Variants in ADCY2 observed in about 807,000 individuals in gnomAD.
The protein encoded by ADCY2 is adenylate cyclase 2, also known as adenylate cyclase type 2.
In ADCY2, 31 loss-of-function variants were observed where a neutral mutation model predicts 125.2. The ratio of observed to expected loss-of-function variants is 0.25; its 90% CI spans 0.19 to 0.33. ADCY2 has a LOEUF of 0.33. ADCY2 is among the 10% of genes least tolerant of loss of function. The probability of loss-of-function intolerance (pLI) is 1.00; values close to 1 mark genes in which losing one functional copy is unlikely to be tolerated. For synonymous variants in ADCY2, 512 were observed against 548.4 expected, an observed-to-expected ratio of 0.93 and a Z score of 0.93; for missense variants, 904 against 1,418.2, an observed-to-expected ratio of 0.64 and a Z score of 5.82.
chr5:7,473,870 A>T (rs1005828280), intron 2 of ADCY2, among the ~76,000 whole-genome samples: 2 of 152,168 alleles, frequency 1.3e-5, no homozygotes, highest in African/African-American at 4.8e-5. Context: ...TTACATCTCA[A>T]TTCCCAGGGT....
intron 12 of ADCY2, among the ~76,000 whole-genome samples, chr5:7,719,138 C>T (rs564624214): frequency 1.3e-5 from 2 of 152,262 alleles, no homozygotes; most frequent in South Asian, 4.1e-4. Flanking sequence ...AGAGTGCCAC[C>T]ATTGTCATTG....
At chr5:7,500,712 C>T (rs73737705) in intron 2 of ADCY2, among the ~76,000 whole-genome samples, 2,752 of 152,116 alleles carry the variant, frequency 0.018, 98 homozygotes, top group African/African-American at 0.064. Flanking sequence ...GAGGATGATC[C>T]GGAAACATGA....
In ADCY2 at chr5:7,498,384, G is replaced by C. The variant is rs184283464; in HGVS notation, c.409-22354G>C. On this transcript the variant is annotated intron_variant, in intron 2 of 24. Transcript: ENST00000338316. ...CTGCCTCAGCCTCCCAAGTAGCTGG[G>C]ACTACAGGCGCCCCCCACCGCACCT... Among the ~76,000 whole-genome samples, 456 of 151,678 alleles carry C rather than the reference G, an allele frequency of 3.0e-3. 2 individuals are homozygous for C. The highest frequency in any genetic ancestry group is 0.01 in the African/African-American group (419 of 41,336).
At chr5:7,553,758 G>A (rs1735415375) in intron 3 of ADCY2, among the ~76,000 whole-genome samples, 1 of 152,126 alleles carries the variant, frequency 6.6e-6, no homozygotes, top group Non-Finnish European at 1.5e-5. Flanking sequence ...TGAACCCTGG[G>A]GTCAGGGACT....
At chr5:7,421,360 C>T (rs1409175457) in intron 2 of ADCY2, among the ~76,000 whole-genome samples, 1 of 152,200 alleles carries the variant, frequency 6.6e-6, no homozygotes, top group Non-Finnish European at 1.5e-5. Context: ...AGAGGAGAAT[C>T]CTCCCCTGCC....
intron 3 of ADCY2, among the ~76,000 whole-genome samples, chr5:7,596,376 A>G (rs887077683): frequency 2.0e-5 from 3 of 152,094 alleles, no homozygotes; most frequent in Non-Finnish European, 4.4e-5. Context: ...CACTAACAAT[A>G]CAGTTGTTAT....
chr5:7,824,361 G>T (rs1204039082), intron 24 of ADCY2, among the ~76,000 whole-genome samples: 1 of 152,136 alleles, frequency 6.6e-6, no homozygotes, highest in Non-Finnish European at 1.5e-5. Context: ...TAATCATGCG[G>T]TGCTGATTGG....
At chr5:7,458,252 A>T (rs1741781552) in intron 2 of ADCY2, among the ~76,000 whole-genome samples, 1 of 152,214 alleles carries the variant, frequency 6.6e-6, no homozygotes, top group South Asian at 2.1e-4. Flanking sequence ...CCAAAAAATA[A>T]TAGAGTCCTT....
intron 4 of ADCY2, among the ~76,000 whole-genome samples, chr5:7,641,437 A>G (rs949980816): frequency 1.3e-5 from 2 of 152,132 alleles, no homozygotes; most frequent in African/African-American, 4.8e-5. Flanking sequence ...TCTCTTATTT[A>G]TGAGTTATCG....
intron 3 of ADCY2, among the ~76,000 whole-genome samples, chr5:7,617,086 C>T (rs970770431): frequency 2.0e-5 from 3 of 151,996 alleles, no homozygotes; most frequent in South Asian, 2.1e-4. Flanking sequence ...TGATTAACAC[C>T]GTTATAAAAG....
At chr5:7,625,715 A>T (rs1214803897) in intron 3 of ADCY2, among the ~76,000 whole-genome samples, 2 of 152,206 alleles carry the variant, frequency 1.3e-5, no homozygotes, top group East Asian at 3.8e-4. Context: ...GAGGTACACA[A>T]TAATAGACTG....
Position 7,520,756 on chromosome 5 carries a change from A to C in ADCY2, c.427A>C (p.Ile143Leu), listed in dbSNP as rs199572354. Residue 143 changes from isoleucine (I) to leucine (L), a missense_variant, in exon 3 of 25, where the codon ATC becomes CTC. By Grantham distance (5) the Ile-to-Leu change is conservative (BLOSUM62 2). Transcript: ENST00000338316. ...PWDQVSFFLFIIFVVYTMLPF... is the reference protein window; with the variant it reads ...PWDQVSFFLFLIFVVYTMLPF... The stretch of plus-strand genomic sequence containing the variant: ...CCCGTAGGTATCGTTCTTCCTCTTC[A>C]TCATCTTCGTGGTGTACACCATGCT... The C allele has an allele frequency of 1.2e-6, 2 of 1,614,094 alleles. No homozygotes were observed. Among genetic ancestry groups the C allele is most frequent in the Non-Finnish European group, 1.7e-6 (2 of 1,180,016 alleles).
At chr5:7,595,435 A>G (rs372204483) in intron 3 of ADCY2, among the ~76,000 whole-genome samples, 36 of 152,236 alleles carry the variant, frequency 2.4e-4, no homozygotes, top group Non-Finnish European at 3.7e-4. Context: ...CCAAATATAC[A>G]TGAAATGATA....
chr5:7,500,421 C>T (rs1743518498), intron 2 of ADCY2, among the ~76,000 whole-genome samples: 1 of 152,174 alleles, frequency 6.6e-6, no homozygotes, highest in South Asian at 2.1e-4. Context: ...GGATAATTTA[C>T]AGTGGAGAAC....
rs947964509 is a variant in ADCY2, at chr5:7,471,036, A to G, written c.409-49702A>G. Among the ~76,000 whole-genome samples the G allele has an allele frequency of 2.6e-5, 4 of 152,006 alleles. No homozygotes were observed. The South Asian group carries it at 8.3e-4, about 31-fold the overall frequency. On this transcript the variant is annotated intron_variant, in intron 2 of 24. Transcript: ENST00000338316. ...AATGTCCTTTTTTATTATTAATAAT[A>G]TTCCTCATTCCAAAATATACTTTGT...
chr5:7,550,686 A>G (rs536021674), intron 3 of ADCY2, among the ~76,000 whole-genome samples: 4 of 151,680 alleles, frequency 2.6e-5, no homozygotes, highest in Admixed American at 1.3e-4. Flanking sequence ...GGCCCAGTCC[A>G]CTCCCTGCAT....
intron 2 of ADCY2, among the ~76,000 whole-genome samples, chr5:7,438,867 C>T (rs151271579): frequency 1.7e-4 from 26 of 152,234 alleles, no homozygotes; most frequent in African/African-American, 5.5e-4. Context: ...TGAGGCTGGC[C>T]AGCTGATGTG....
At chr5:7,754,234 A>G (rs1339760137) in intron 15 of ADCY2, among the ~76,000 whole-genome samples, 21 of 152,212 alleles carry the variant, frequency 1.4e-4, no homozygotes, top group Non-Finnish European at 3.1e-4. Context: ...TTCCTATTAG[A>G]TTAGCATATT....
chr5:7,439,867 C>A (rs1048446852), intron 2 of ADCY2, among the ~76,000 whole-genome samples: 1 of 151,880 alleles, frequency 6.6e-6, no homozygotes, highest in African/African-American at 2.4e-5. Flanking sequence ...ATGGGAGACA[C>A]AGGTGGGAGG....
Sources: allele counts gnomAD v4.1 joint callset (sites outside exome capture counted in the v4.1 genomes callset), GRCh38; gene constraint gnomAD v4.1.1; transcripts MANE v1.5; gene names NCBI Gene and HGNC (gene_info 2026-07-23, HGNC 2026-07-21).